The following GMDS variants were observed in gnomAD, a reference collection of about 807,000 sequenced individuals.
GMDS encodes GDP-mannose 4,6-dehydratase, also known as GDP-mannose 4,6 dehydratase.
In GMDS, 20 loss-of-function variants were observed where a neutral mutation model predicts 49.9. The observed-to-expected ratio is 0.40, with a 90% CI of 0.28 to 0.58. GMDS has a LOEUF of 0.58. Among genes scored for constraint, GMDS ranks in the 20% least tolerant of loss-of-function variants. GMDS has a pLI of 0.42. For missense variants in GMDS, 362 were observed against 481.4 expected (o/e 0.75, Z 2.32); for synonymous variants, 177 against 178.6 (o/e 0.99, Z 0.07).
At chr6:1,655,856 C>A (rs910852508) in intron 9 of GMDS, among the ~76,000 whole-genome samples, 1 of 152,160 alleles carries the variant, frequency 6.6e-6, no homozygotes, top group African/African-American at 2.4e-5. Flanking sequence ...GATGAGCCTG[C>A]GGATACATTC....
intron 4 of GMDS, among the ~76,000 whole-genome samples, chr6:2,000,009 T>TATATATAA (rs1491273695): frequency 6.6e-4 from 4 of 6,032 alleles, no homozygotes; most frequent in East Asian, 0.011. Flanking sequence ...TATATATATA[T>TATATATAA]TTTTTATATA....
intron 9 of GMDS, among the ~76,000 whole-genome samples, chr6:1,641,907 G>A (rs1194393682): frequency 1.3e-5 from 2 of 152,098 alleles, no homozygotes; most frequent in Non-Finnish European, 2.9e-5. Context: ...CCAACAACTC[G>A]GCACACTTCT....
chr6:1,893,357 C>T (rs944455139), intron 7 of GMDS, among the ~76,000 whole-genome samples: 6 of 151,890 alleles, frequency 4.0e-5, no homozygotes, highest in Non-Finnish European at 8.8e-5. Context: ...CCATGCCCAG[C>T]TAACTTGTAT....
chr6:1,637,679 C>A (rs1198091787), intron 9 of GMDS, among the ~76,000 whole-genome samples: 1 of 152,238 alleles, frequency 6.6e-6, no homozygotes, highest in African/African-American at 2.4e-5. Flanking sequence ...ACAGAGGCCT[C>A]CATGCAGAAG....
rs141763276 is a variant in GMDS at position 1,631,597 on chromosome 6, AT to A, written c.988-7058del. Among the ~76,000 whole-genome samples, 12 of 152,184 alleles carry A rather than the reference AT, an allele frequency of 7.9e-5. No homozygotes were observed. In the East Asian group the frequency reaches 2.3e-3, roughly 29 times the overall value. On this transcript the variant is annotated intron_variant, in intron 9 of 10. Transcript: ENST00000380815. The stretch of plus-strand genomic sequence containing the variant: ...TGGTTTTTCTCAATGTATACAGTAT[AT>A]TAAGTCCTCCAATTCAACACACCTC...
At chr6:2,079,348 CCTTT>C (rs948533886) in intron 4 of GMDS, among the ~76,000 whole-genome samples, 2 of 151,814 alleles carry the variant, frequency 1.3e-5, no homozygotes, top group African/African-American at 4.8e-5. Flanking sequence ...ACTCTTCATT[CCTTT>C]CTTTTTCACT....
intron 7 of GMDS, among the ~76,000 whole-genome samples, chr6:1,806,595 A>T (rs1487640398): frequency 6.6e-6 from 1 of 152,140 alleles, no homozygotes; most frequent in Non-Finnish European, 1.5e-5. Context: ...TGACACCAAA[A>T]CCGTCTGTTA....
intron 1 of GMDS, among the ~76,000 whole-genome samples, chr6:2,150,160 T>C (rs1317207190): frequency 6.6e-6 from 1 of 152,152 alleles, no homozygotes; most frequent in African/African-American, 2.4e-5. Flanking sequence ...TAAAATAATT[T>C]TCATTTAGGA....
chr6:2,224,438 T>A (rs116077350), intron 1 of GMDS, among the ~76,000 whole-genome samples: 1 of 152,252 alleles, frequency 6.6e-6, no homozygotes, highest in Non-Finnish European at 1.5e-5. Flanking sequence ...AGTTTGGTGA[T>A]GATGTTGGAA....
intron 7 of GMDS, among the ~76,000 whole-genome samples, chr6:1,759,030 C>T (rs890860101): frequency 5.9e-5 from 9 of 152,202 alleles, no homozygotes; most frequent in African/African-American, 2.2e-4. Context: ...TCAAGTGATT[C>T]TCACGCCTCA....
intron 1 of GMDS, among the ~76,000 whole-genome samples, chr6:2,143,361 C>T (rs1418823007): frequency 6.6e-6 from 1 of 152,150 alleles, no homozygotes; most frequent in Non-Finnish European, 1.5e-5. Context: ...CTCTCCTTTC[C>T]CCTACAGAAC....
At chr6:1,942,818 C>T (rs1356108223) in intron 6 of GMDS, among the ~76,000 whole-genome samples, 1 of 152,210 alleles carries the variant, frequency 6.6e-6, no homozygotes, top group South Asian at 2.1e-4. Flanking sequence ...TTAAGCTTAG[C>T]GTGAGGTTCG....
intron 7 of GMDS, among the ~76,000 whole-genome samples, chr6:1,801,653 GT>G (rs1769955117): frequency 6.6e-6 from 1 of 152,230 alleles, no homozygotes; most frequent in African/African-American, 2.4e-5. Flanking sequence ...AGCTAAAACG[GT>G]GAGCACACCT....
chr6:1,874,760 C>T (rs891115983), intron 7 of GMDS, among the ~76,000 whole-genome samples: 4 of 152,158 alleles, frequency 2.6e-5, no homozygotes, highest in Admixed American at 1.3e-4. Context: ...GGATGGACTT[C>T]CCTTTGGCAG....
intron 7 of GMDS, among the ~76,000 whole-genome samples, chr6:1,780,211 T>A (rs537814786): frequency 1.3e-5 from 2 of 152,226 alleles, no homozygotes; most frequent in Non-Finnish European, 2.9e-5. Context: ...AAAGTTTTGT[T>A]TTCTAAATAA....
intron 1 of GMDS, among the ~76,000 whole-genome samples, chr6:2,182,665 T>C (rs181470517): frequency 6.6e-6 from 1 of 152,274 alleles, no homozygotes; most frequent in East Asian, 1.9e-4. Flanking sequence ...ACAAATTGGT[T>C]TACTGAATAT....
intron 4 of GMDS, among the ~76,000 whole-genome samples, chr6:1,981,158 C>T (rs1363352158): frequency 6.6e-6 from 1 of 150,588 alleles, no homozygotes. Flanking sequence ...AAACAAACCC[C>T]AAAGCTAGCA....
intron 4 of GMDS, among the ~76,000 whole-genome samples, chr6:2,091,381 G>A (rs1773302919): frequency 6.6e-6 from 1 of 152,166 alleles, no homozygotes; most frequent in African/African-American, 2.4e-5. Flanking sequence ...CTCAATAAAT[G>A]TTAAGTGATA....
At chr6:1,771,003 A>G (rs1431865328) in intron 7 of GMDS, among the ~76,000 whole-genome samples, 1 of 152,254 alleles carries the variant, frequency 6.6e-6, no homozygotes, top group Non-Finnish European at 1.5e-5. Flanking sequence ...ATAATGAGCT[A>G]TTCATGTCTT....
Sources: gnomAD v4.1 joint callset for allele counts (sites outside exome capture counted in the v4.1 genomes callset) on GRCh38, gnomAD v4.1.1 for gene constraint, MANE v1.5 for transcripts, NCBI Gene and HGNC (gene_info 2026-07-23, HGNC 2026-07-21) for gene names.